The following SORBS2 variants were observed in gnomAD, a reference collection of about 807,000 sequenced individuals.
SORBS2 encodes the protein sorbin and SH3 domain containing 2, also known as sorbin and SH3 domain-containing protein 2.
Under a neutral mutation model 97.7 loss-of-function variants are expected in SORBS2, and 46 were observed. That is an observed-to-expected ratio of 0.47 (90% CI 0.37 to 0.60). The LOEUF is 0.60. Ranked by LOEUF, SORBS2 falls within the 20% of genes least tolerant of loss-of-function variation. The pLI is 0.00. For missense variants in SORBS2, 1,316 were observed against 1,282.3 expected (o/e 1.03, Z -0.40); for synonymous variants, 476 against 473.4 (o/e 1.01, Z -0.07).
chr4:185,829,158 C>T (rs1359315852), intron 1 of SORBS2, among the ~76,000 whole-genome samples: 1 of 152,072 alleles, frequency 6.6e-6, no homozygotes, highest in East Asian at 1.9e-4. Context: ...TTTTCTAATC[C>T]ATGTAAAACA....
In SORBS2 at chr4:185,606,868, G is replaced by A. The variant is rs780836993; in HGVS notation, c.2796+4912C>T. 1.2e-5 allele frequency: 12 copies of A among 987,134 alleles called. No homozygotes were observed. The highest frequency in any genetic ancestry group is 7.0e-5 in the African/African-American group (4 of 57,196). 61.1% of individuals were successfully genotyped at this position (987,134 alleles called of 1,614,324 possible). On this transcript the variant is annotated intron_variant, in intron 12 of 14. Transcript: ENST00000418609. This position sits in a 1 kb window ranked among gnomAD's most constrained non-coding sequence, Gnocchi z 4.3. ...AGGCAAGGAACCCACGCTGGTGCAC[G>A]CAGAGGCCACAAAATTATCCCCTAG...
intron 2 of SORBS2, chr4:185,771,005 A>G (rs1188693137): frequency 8.9e-6 from 1 of 112,540 alleles, no homozygotes; most frequent in African/African-American, 3.4e-5. Context: ...TTTGAGACAG[A>G]GTTTCACTCT....
At chr4:185,653,578 T>G (rs1476248458) in intron 1 of SORBS2, among the ~76,000 whole-genome samples, 1 of 152,156 alleles carries the variant, frequency 6.6e-6, no homozygotes, top group Non-Finnish European at 1.5e-5. Context: ...TATATCTAAA[T>G]CATAGGATTG....
At chr4:185,916,162 A>G (rs987782155) in intron 1 of SORBS2, among the ~76,000 whole-genome samples, 1 of 152,182 alleles carries the variant, frequency 6.6e-6, no homozygotes, top group African/African-American at 2.4e-5. Context: ...CATGGACCGG[A>G]GGGAAACAAG....
chr4:185,702,294 G>C (rs184369976), intron 2 of SORBS2, among the ~76,000 whole-genome samples: 1 of 152,126 alleles, frequency 6.6e-6, no homozygotes, highest in Admixed American at 6.5e-5. Flanking sequence ...AGGGGAGAAG[G>C]TTAAAGGGAG....
rs569747864 is a variant in SORBS2 at position 185,934,715 on chromosome 4, C to T, written c.-338+21481G>A. Among the ~76,000 whole-genome samples, 6 of 149,792 alleles carry T rather than the reference C, an allele frequency of 4.0e-5. No individual in the cohort carries two copies. In the South Asian group the frequency reaches 8.5e-4, roughly 21 times the overall value. On this transcript the variant is annotated intron_variant, in intron 1 of 20. Transcript: ENST00000284776. The stretch of plus-strand genomic sequence containing the variant: ...AAGAGAATCGCTTGAACCCGGGAGG[C>T]GGAGGCTGCAGTGAGCTGAGGTTGC...
At chr4:185,683,075 G>C (rs927851508) in intron 2 of SORBS2, among the ~76,000 whole-genome samples, 1 of 151,182 alleles carries the variant, frequency 6.6e-6, no homozygotes, top group Non-Finnish European at 1.5e-5. Flanking sequence ...ACGTCTAATT[G>C]ACACAAAAGA....
intron 6 of SORBS2, among the ~76,000 whole-genome samples, chr4:185,626,224 T>C (rs1370627962): frequency 1.3e-5 from 2 of 152,236 alleles, no homozygotes; most frequent in Admixed American, 1.3e-4. Flanking sequence ...GATATCATTA[T>C]GGTTTGGGAC....
At chr4:185,625,776 A>C (rs1484360808) in intron 6 of SORBS2, among the ~76,000 whole-genome samples, 1 of 152,250 alleles carries the variant, frequency 6.6e-6, no homozygotes, top group Non-Finnish European at 1.5e-5. Context: ...AGGCCTTAAA[A>C]GGGCTAGGCA....
At chr4:185,687,653 A>T (rs1318499352) in intron 2 of SORBS2, among the ~76,000 whole-genome samples, 1 of 152,210 alleles carries the variant, frequency 6.6e-6, no homozygotes, top group Admixed American at 6.5e-5. Context: ...GGTCACTGTA[A>T]AACAAGAAAG....
chr4:185,597,454 C>A (rs566338225), intron 12 of SORBS2, among the ~76,000 whole-genome samples: 1 of 152,306 alleles, frequency 6.6e-6, no homozygotes, highest in South Asian at 2.1e-4. Context: ...AATTCAACTC[C>A]ATTTTGCAGA....
chr4:185,744,091 C>T (rs2098745367), intron 2 of SORBS2, among the ~76,000 whole-genome samples: 1 of 142,250 alleles, frequency 7.0e-6, no homozygotes, highest in Non-Finnish European at 1.5e-5. Context: ...TCTTCCACTT[C>T]CCCCTTTCTC....
At chr4:185,865,014 C>T (rs1002697793) in intron 1 of SORBS2, among the ~76,000 whole-genome samples, 12 of 151,936 alleles carry the variant, frequency 7.9e-5, no homozygotes, top group South Asian at 2.1e-4. Context: ...GAGGAGGAGC[C>T]GATGCTTTGG....
chr4:185,657,455 TC>T, upstream of SORBS2: 1 of 1,562,498 alleles, frequency 6.4e-7, no homozygotes, highest in Non-Finnish European at 8.6e-7. Flanking sequence ...TCCGGATTCA[TC>T]CACGGGCCCG....
At chr4:185,915,833 A>T (rs2099257832) in intron 1 of SORBS2, among the ~76,000 whole-genome samples, 1 of 152,186 alleles carries the variant, frequency 6.6e-6, no homozygotes, top group Non-Finnish European at 1.5e-5. Flanking sequence ...TAAGTAACAC[A>T]AAAAAACCTA....
chr4:185,779,080 G>A (rs1584689391), intron 1 of SORBS2, among the ~76,000 whole-genome samples: 1 of 152,198 alleles, frequency 6.6e-6, no homozygotes. Flanking sequence ...CTGGGCTCAC[G>A]CTGGTAACAT....
At chr4:185,904,909 AG>A (rs1159684595) in intron 1 of SORBS2, among the ~76,000 whole-genome samples, 1 of 152,124 alleles carries the variant, frequency 6.6e-6, no homozygotes, top group Non-Finnish European at 1.5e-5. Flanking sequence ...GTTCGAGACC[AG>A]CCTGACCAAC....
intron 12 of SORBS2, among the ~76,000 whole-genome samples, chr4:185,610,482 C>T (rs1300526948): frequency 6.6e-6 from 1 of 152,082 alleles, no homozygotes; most frequent in Admixed American, 6.6e-5. Flanking sequence ...CATATATTAT[C>T]CATGAATACA....
At chr4:185,660,966 A>G (rs142027375), upstream of SORBS2, among the ~76,000 whole-genome samples, 822 of 152,156 alleles carry the variant, frequency 5.4e-3, 2 homozygotes, top group Non-Finnish European at 8.4e-3. Context: ...TTTAAGTTAC[A>G]TTTTTACAAA....
Sources: allele counts gnomAD v4.1 joint callset (sites outside exome capture counted in the v4.1 genomes callset), GRCh38; gene constraint gnomAD v4.1.1; non-coding constraint Gnocchi (gnomAD v3.1); transcripts MANE v1.5; gene names NCBI Gene and HGNC (gene_info 2026-07-23, HGNC 2026-07-21).